The following ZNF831 variants were observed in gnomAD, a reference collection of about 807,000 sequenced individuals.
ZNF831 encodes zinc finger protein 831.
Under a neutral mutation model 95.8 loss-of-function variants are expected in ZNF831, and 59 were observed. That is an observed-to-expected ratio of 0.62 (90% CI 0.50 to 0.77). The LOEUF is 0.77. Ranked by LOEUF, ZNF831 falls within the 30% of genes least tolerant of loss-of-function variation. ZNF831 has a pLI of 0.00. For synonymous variants in ZNF831, 961 were observed against 925.5 expected, an observed-to-expected ratio of 1.04 and a Z score of -0.70; for missense variants, 2,205 against 2,164.0, an observed-to-expected ratio of 1.02 and a Z score of -0.38.
intron 4 of ZNF831, among the ~76,000 whole-genome samples, chr20:59,231,162 G>A (rs910838947): frequency 1.3e-5 from 2 of 152,202 alleles, no homozygotes; most frequent in Non-Finnish European, 2.9e-5. Flanking sequence ...TATCGCTTTA[G>A]CCAGAAATGA....
chr20:59,196,408 A>G (rs900060078), intron 3 of ZNF831, among the ~76,000 whole-genome samples: 8 of 152,330 alleles, frequency 5.3e-5, no homozygotes, highest in Admixed American at 4.6e-4. Flanking sequence ...CGCCACGCAG[A>G]GATAATCACC....
chr20:59,189,882 G>A lies in ZNF831; in HGVS notation c.-36-1102G>A, dbSNP rs143873179. On this transcript the variant is annotated intron_variant, in intron 1 of 5. Coordinates refer to ENST00000371030, the MANE Select transcript of ZNF831 (RefSeq NM_178457.3). ...CGGCTGGAATGTGGTTGTTTTCTTG[G>A]GGAACGGAGCTGGGGATGGGTGAAA... 2.6e-3 allele frequency among the ~76,000 whole-genome samples: 402 copies of A among 152,364 alleles called. 3 individuals are homozygous for A. The highest frequency in any genetic ancestry group is 0.01 in the Middle Eastern group (3 of 294).
At chr20:59,146,383 G>C (rs1470783700) in intron 2 of ZNF831, 1 of 152,264 alleles carries the variant, frequency 6.6e-6, no homozygotes, top group African/African-American at 2.4e-5. Flanking sequence ...AGGTGAGAGA[G>C]GACTTTGTGA....
At position 59,232,308 on chromosome 20, in the gene ZNF831, T is replaced by C. The variant is rs1044158812; in HGVS notation, c.4028-20670T>C. Among the ~76,000 whole-genome samples, 4 of 152,238 alleles carry C rather than the reference T, an allele frequency of 2.6e-5. No homozygotes were observed. The East Asian group carries it at 7.7e-4, about 29-fold the overall frequency. On this transcript the variant is annotated intron_variant, in intron 4 of 5. Coordinates refer to ENST00000371030, the MANE Select transcript of ZNF831 (RefSeq NM_178457.3). ...TTGATAAGTGCAAACTGACATTAAA[T>C]GGAGTTTAAAAAATGATCAGGGTTT...
chr20:59,155,415 A>G (rs1393562131), intron 2 of ZNF831, among the ~76,000 whole-genome samples: 1 of 152,204 alleles, frequency 6.6e-6, no homozygotes, highest in East Asian at 1.9e-4. Flanking sequence ...CCTGATGTGA[A>G]TGGGAGCAGC....
chr20:59,204,861 C>T (rs568035809), intron 3 of ZNF831, among the ~76,000 whole-genome samples: 1 of 152,272 alleles, frequency 6.6e-6, no homozygotes, highest in East Asian at 1.9e-4. Context: ...GCTGCTTCTC[C>T]AGGAGGGGCT....
intron 4 of ZNF831, among the ~76,000 whole-genome samples, chr20:59,226,601 G>A (rs771372464): frequency 3.9e-4 from 59 of 151,000 alleles, no homozygotes; most frequent in East Asian, 3.9e-4. Context: ...GGGCCAACCC[G>A]AAATATATAA....
intron 4 of ZNF831, among the ~76,000 whole-genome samples, chr20:59,212,724 A>G (rs1451028979): frequency 6.6e-6 from 1 of 152,190 alleles, no homozygotes; most frequent in Non-Finnish European, 1.5e-5. Flanking sequence ...GATGTTCTTT[A>G]TGGAGCACTC....
chr20:59,195,671 G>A lies in ZNF831; in HGVS notation c.3739-198G>A, dbSNP rs919583902. On this transcript the variant is annotated intron_variant, in intron 2 of 5. Transcript: ENST00000371030. ...TCCTCTGCGGATCAAGCCCAGGCGG[G>A]GTTTCAGGAGGTTCTGTCCAGGAAC... is the stretch of plus-strand genomic sequence containing the variant. The A allele has an allele frequency of 1.9e-5, 13 of 680,828 alleles. No individual in the cohort carries two copies. In the Admixed American group the frequency reaches 5.7e-4, roughly 30 times the overall value. 42.2% of individuals were successfully genotyped at this position (680,828 alleles called of 1,614,324 possible).
In ZNF831 at chr20:59,253,887, C is replaced by A; in HGVS notation, c.4189-11C>A. ...CCCCCCACTTTTTTTTTCCTTTGCA[C>A]TTTGTTGCAGGATATTTCTCCATCT... On this transcript the variant is annotated splice_polypyrimidine_tract_variant and intron_variant, in intron 5 of 5. Transcript: ENST00000371030. The A allele has an allele frequency of 5.1e-6, 4 of 784,964 alleles. No homozygotes were observed. The highest frequency in any genetic ancestry group is 2.5e-5 in the African/African-American group (1 of 40,180). 48.6% of individuals were successfully genotyped at this position (784,964 alleles called of 1,614,324 possible). A position where few individuals can be genotyped will look rare whatever the true frequency, so the allele number is the denominator to read the frequency against.
intron 1 of ZNF831, among the ~76,000 whole-genome samples, chr20:59,175,492 C>A (rs1285332572): frequency 6.6e-6 from 1 of 151,908 alleles, no homozygotes; most frequent in East Asian, 1.9e-4. Context: ...GTCCTATCTT[C>A]AAGTTCACCG....
upstream of ZNF831, among the ~76,000 whole-genome samples, chr20:59,162,947 T>A (rs1980964229): frequency 6.6e-6 from 1 of 152,142 alleles, no homozygotes; most frequent in Admixed American, 6.5e-5. Context: ...TTGTTTGTTT[T>A]CTTTCAGTAG....
rs974607421 is a variant in ZNF831, at chr20:59,257,528, C to T, written c.*2785C>T. ...TTATAAGAATACATTTTAAGGGTAA[C>T]ATTAACAACCTAGAACCCAGTTTGG... On this transcript the variant is annotated 3_prime_UTR_variant, in exon 6 of 6. Coordinates refer to ENST00000371030, the MANE Select transcript of ZNF831 (RefSeq NM_178457.3). 3.3e-5 allele frequency: 5 copies of T among 152,020 alleles called. No individual in the cohort carries two copies. The highest frequency in any genetic ancestry group is 7.3e-5 in the African/African-American group (3 of 41,372). 9.4% of individuals were successfully genotyped at this position (152,020 alleles called of 1,614,324 possible).
chr20:59,237,369 C>T (rs537562079), intron 4 of ZNF831, among the ~76,000 whole-genome samples: 1 of 152,256 alleles, frequency 6.6e-6, no homozygotes, highest in South Asian at 2.1e-4. Context: ...TATTTTGAGA[C>T]AGGGTCTCGC....
At chr20:59,240,320 C>T (rs2146722346) in intron 4 of ZNF831, among the ~76,000 whole-genome samples, 1 of 152,254 alleles carries the variant, frequency 6.6e-6, no homozygotes, top group Non-Finnish European at 1.5e-5. Context: ...GTCCTTTCCT[C>T]TATTGCTTTA....
rs1988230631 is a variant in ZNF831, at chr20:59,257,295, A to G, written c.*2552A>G. 6.6e-6 allele frequency: 1 copy of G among 152,218 alleles called. No homozygotes were observed. Among genetic ancestry groups the G allele is most frequent in the Non-Finnish European group, 1.5e-5 (1 of 68,022 alleles). The allele number at this position is 152,218 out of a possible 1,614,324, so 9.4% of individuals were successfully genotyped here. A position where few individuals can be genotyped will look rare whatever the true frequency, so the allele number is the denominator to read the frequency against. On this transcript the variant is annotated 3_prime_UTR_variant, in exon 6 of 6. Coordinates refer to ENST00000371030, the MANE Select transcript of ZNF831 (RefSeq NM_178457.3). ...TGTTTACAAGTGTACCTTACTTTAT[A>G]TCAACATGAATTTGTGAAAAAGCTG...
chr20:59,210,622 A>C lies in ZNF831; in HGVS notation c.4027+3566A>C, dbSNP rs546319001. ...ACCCTGGGGGCCTCAGTGAGCAGAG[A>C]GCCCAGAATGAAAAGCCCTTTCACC... On this transcript the variant is annotated intron_variant, in intron 4 of 5. Coordinates refer to ENST00000371030, the MANE Select transcript of ZNF831 (RefSeq NM_178457.3). Among the ~76,000 whole-genome samples, 3 of 152,314 alleles carry C rather than the reference A, an allele frequency of 2.0e-5. No homozygotes were observed. The East Asian group carries it at 5.8e-4, about 29-fold the overall frequency.
At chr20:59,136,690 C>T (rs544914385) in intron 1 of ZNF831, among the ~76,000 whole-genome samples, 1 of 152,272 alleles carries the variant, frequency 6.6e-6, no homozygotes, top group Admixed American at 6.5e-5. Context: ...TGGAATTTGG[C>T]CATATTCTTT....
intron 4 of ZNF831, among the ~76,000 whole-genome samples, chr20:59,228,676 C>A (rs972412719): frequency 6.6e-6 from 1 of 152,122 alleles, no homozygotes; most frequent in African/African-American, 2.4e-5. Flanking sequence ...GCACAAAGGG[C>A]TCTTTAAAAA....
Sources: gnomAD v4.1 joint callset for allele counts (sites outside exome capture counted in the v4.1 genomes callset) on GRCh38, gnomAD v4.1.1 for gene constraint, MANE v1.5 for transcripts, NCBI Gene and HGNC (gene_info 2026-07-23, HGNC 2026-07-21) for gene names.